The following GGA1 variants were observed in gnomAD, a reference collection of about 807,000 sequenced individuals.
GGA1 encodes the protein ADP-ribosylation factor-binding protein GGA1.
In GGA1, 18 loss-of-function variants were observed where a neutral mutation model predicts 76.9. That is an observed-to-expected ratio of 0.23 (90% CI 0.16 to 0.35). The LOEUF (loss-of-function observed/expected upper bound fraction) is 0.35. Among genes scored for constraint, GGA1 ranks in the 10% least tolerant of loss-of-function variants. The pLI is 1.00. For synonymous variants in GGA1, 342 were observed against 354.7 expected (o/e 0.96, Z 0.40); for missense variants, 755 against 859.0 (o/e 0.88, Z 1.51).
intron 1 of GGA1, among the ~76,000 whole-genome samples, chr22:37,609,989 A>C (rs543707603): frequency 3.9e-4 from 59 of 152,168 alleles, no homozygotes; most frequent in Non-Finnish European, 7.2e-4. Flanking sequence ...TAGCCACCAG[A>C]GGGGCAGGGG....
chr22:37,611,191 A>G (rs1327140908), intron 1 of GGA1, among the ~76,000 whole-genome samples: 3 of 152,110 alleles, frequency 2.0e-5, no homozygotes, highest in African/African-American at 7.2e-5. Context: ...TATTCCTGGT[A>G]TCCCCAGGAG....
chr22:37,616,441 C>T lies in GGA1; in HGVS notation c.129-481C>T, dbSNP rs575122534. Among the ~76,000 whole-genome samples the T allele has an allele frequency of 2.6e-5, 4 of 152,284 alleles. No homozygotes were observed. The East Asian group carries it at 7.7e-4, about 29-fold the overall frequency. ...TGTGAGCTCTTACCGTCACTGGTGA[C>T]GGGTCTTTTACAGTCTGTTAGATGA... On this transcript the variant is annotated intron_variant, in intron 2 of 16. Coordinates refer to ENST00000343632, the MANE Select transcript of GGA1 (RefSeq NM_013365.5).
At chr22:37,621,452 G>T (rs528358304) in intron 6 of GGA1, among the ~76,000 whole-genome samples, 164 bp from the exon 7 acceptor site, 2 of 152,214 alleles carry the variant, frequency 1.3e-5, no homozygotes, top group African/African-American at 4.8e-5. Context: ...CCGCTGGCCT[G>T]TGGCCACCCT....
Position 37,618,530 on chromosome 22 carries a change from A to C in GGA1, c.287A>C (p.Lys96Thr). 1 of 1,610,686 alleles carries C rather than the reference A, an allele frequency of 6.2e-7. No homozygotes were observed. Among genetic ancestry groups the C allele is most frequent in the Non-Finnish European group, 8.5e-7 (1 of 1,176,852 alleles). The part of the protein sequence containing the change: ...GKFRFLNELI[K>T]VVSPKYLGSR... ...TTCCGCTTTCTCAACGAGCTCATCA[A>C]GGTCGTGTCTCCCAAGGTTGGTGCC... is the stretch of plus-strand genomic sequence containing the variant. The change falls in exon 4 of 17, where the codon AAG becomes ACG. Residue 96 changes from lysine (K) to threonine (T), a missense_variant. Physicochemically the swap from Lys to Thr is moderately conservative, Grantham distance 78 (BLOSUM62 -1). Transcript: ENST00000343632.
chr22:37,623,621 G>C lies in GGA1; in HGVS notation c.820G>C (p.Asp274His). The C allele has an allele frequency of 6.3e-7, 1 of 1,584,486 alleles. No homozygotes were observed. The highest frequency in any genetic ancestry group is 8.6e-7 in the Non-Finnish European group (1 of 1,165,022). ...ACTGGCGAGTGACACAGAGGACAATGATGAGGCCTTAGGTGAGCCCAGGGC... is the reference window on the plus strand; with the variant it reads ...ACTGGCGAGTGACACAGAGGACAATCATGAGGCCTTAGGTGAGCCCAGGGC... ...FRLASDTEDN[D>H]EALAEILQAN... The change falls in exon 9 of 17, where the codon GAT becomes CAT. Residue 274 changes from aspartate to histidine, a missense_variant. Asp to His is a moderately conservative substitution (Grantham distance 81, BLOSUM62 -1). Coordinates refer to ENST00000343632, the MANE Select transcript of GGA1 (RefSeq NM_013365.5). This position sits in a 1 kb window ranked among gnomAD's most constrained non-coding sequence, Gnocchi z 4.6.
At chr22:37,611,939 G>T (rs541458488) in intron 1 of GGA1, among the ~76,000 whole-genome samples, 1 of 151,956 alleles carries the variant, frequency 6.6e-6, no homozygotes, top group Non-Finnish European at 1.5e-5. Flanking sequence ...ATCATTTGAG[G>T]TCAGGAGTTT....
intron 4 of GGA1, among the ~76,000 whole-genome samples, chr22:37,619,214 C>T (rs1016449609): frequency 1.3e-5 from 2 of 151,896 alleles, no homozygotes; most frequent in Non-Finnish European, 1.5e-5. Context: ...TGCAGGTGCA[C>T]GCCACCATGC....
At chr22:37,609,091 C>G (rs1251425068) in intron 1 of GGA1, 188 bp downstream of exon 1, 6 of 1,491,636 alleles carry the variant, frequency 4.0e-6, no homozygotes, top group South Asian at 2.5e-5. Flanking sequence ...CCGGCGCGGT[C>G]CAGCGGTGGG....
intron 1 of GGA1, 183 bp downstream of exon 1, chr22:37,609,086 G>T: frequency 2.7e-6 from 4 of 1,488,954 alleles, no homozygotes; most frequent in Non-Finnish European, 3.6e-6. Context: ...CGGCCCCGGC[G>T]CGGTCCAGCG....
intron 1 of GGA1, 30 bp downstream of exon 1, chr22:37,608,933 C>A: frequency 1.5e-6 from 2 of 1,321,704 alleles, no homozygotes; most frequent in Non-Finnish European, 1.9e-6. Flanking sequence ...GCGGGCCGGA[C>A]CGGAACCGGA....
chr22:37,627,614 C>T (rs1396787415), intron 11 of GGA1, among the ~76,000 whole-genome samples: 1 of 152,224 alleles, frequency 6.6e-6, no homozygotes, highest in Non-Finnish European at 1.5e-5. Context: ...GGAAGTACTG[C>T]AGGGCCACCA....
intron 2 of GGA1, among the ~76,000 whole-genome samples, chr22:37,616,672 A>G (rs1928850918): frequency 6.6e-6 from 1 of 152,202 alleles, no homozygotes; most frequent in African/African-American, 2.4e-5. Context: ...CCCTGCCTGC[A>G]GTCTCTGTCT....
At chr22:37,616,390 T>G (rs1448824747) in intron 2 of GGA1, among the ~76,000 whole-genome samples, 4 of 152,164 alleles carry the variant, frequency 2.6e-5, no homozygotes, top group Admixed American at 2.0e-4. Context: ...CATGTGAGCC[T>G]CCTCACACAT....
chr22:37,624,849 T>TCCCTGC lies in GGA1; in HGVS notation c.833-115_833-110dup. The stretch of plus-strand genomic sequence containing the variant: ...GTCTCAGCAGACGAGATGGGCTGTT[T>TCCCTGC]CCCTGCCCCTTTCCCTTCCCCTCAC... On this transcript the variant is annotated intron_variant, in intron 9 of 16. Transcript: ENST00000343632. The surrounding 1 kb of genome is among the most constrained non-coding windows in gnomAD (Gnocchi z 4.3). The TCCCTGC allele has an allele frequency of 7.2e-7, 1 of 1,381,228 alleles. No homozygotes were observed. The highest frequency in any genetic ancestry group is 9.8e-7 in the Non-Finnish European group (1 of 1,025,490). The allele number at this position is 1,381,228 out of a possible 1,614,324, so 85.6% of individuals were successfully genotyped here.
intron 6 of GGA1, among the ~76,000 whole-genome samples, 191 bp from the exon 7 acceptor site, chr22:37,621,425 C>G (rs1156668194): frequency 6.6e-6 from 1 of 152,196 alleles, no homozygotes; most frequent in Non-Finnish European, 1.5e-5. Flanking sequence ...GTGGTGTGCA[C>G]TTTACATGCA....
chr22:37,632,336 TGGGCC>T lies in GGA1; in HGVS notation c.1699-68_1699-64del. 5 of 1,365,386 alleles carry T rather than the reference TGGGCC, an allele frequency of 3.7e-6. No homozygotes were observed. The highest frequency in any genetic ancestry group is 5.2e-6 in the Non-Finnish European group (5 of 956,212). 84.6% of individuals were successfully genotyped at this position (1,365,386 alleles called of 1,614,324 possible). A position where few individuals can be genotyped will look rare whatever the true frequency, so the allele number is the denominator to read the frequency against. ...GATCCCCGGAGGGGAGCTGGCAGGC[TGGGCC>T]TGGTTCCTCAGAGCAGGACAAGCAG... On this transcript the variant is annotated intron_variant, in intron 15 of 16. Transcript: ENST00000343632. This position sits in a 1 kb window ranked among gnomAD's most constrained non-coding sequence, Gnocchi z 5.1.
chr22:37,609,430 C>T (rs1412318429), intron 1 of GGA1: 1 of 628,396 alleles, frequency 1.6e-6, no homozygotes, highest in Non-Finnish European at 2.1e-6. Flanking sequence ...CCTCCCGCCG[C>T]TCCTAGTCTC....
chr22:37,613,049 C>T, intron 1 of GGA1: 1 of 985,408 alleles, frequency 1.0e-6, no homozygotes. Context: ...ACATGAGTGG[C>T]TGGGATGCAG....
In GGA1 at chr22:37,625,045, C is replaced by A. The variant is rs760413815; in HGVS notation, c.909C>A (p.Val303=). The part of the protein sequence containing the change: ...LYKQLVRGEE[V]NGDATAGSIP... The stretch of plus-strand genomic sequence containing the variant: ...AGCAGCTGGTGCGGGGTGAGGAGGT[C>A]AACGGTGATGCCACAGCCGGCTCCA... Residue 303 remains valine, a synonymous_variant, in exon 10 of 17, where the codon GTC becomes GTA. Coordinates refer to ENST00000343632, the MANE Select transcript of GGA1 (RefSeq NM_013365.5). This position sits in a 1 kb window ranked among gnomAD's most constrained non-coding sequence, Gnocchi z 4.1. The A allele has an allele frequency of 3.1e-6, 5 of 1,600,168 alleles. No homozygotes were observed. In the East Asian group the frequency reaches 1.1e-4, roughly 36 times the overall value.
Sources: gnomAD v4.1 joint callset for allele counts (sites outside exome capture counted in the v4.1 genomes callset) on GRCh38, gnomAD v4.1.1 for gene constraint, Gnocchi (gnomAD v3.1) non-coding constraint, MANE v1.5 for transcripts, NCBI Gene and HGNC (gene_info 2026-07-23, HGNC 2026-07-21) for gene names.